Variants in GALNT17 observed in about 807,000 individuals in gnomAD.
GALNT17 encodes polypeptide N-acetylgalactosaminyltransferase 17.
Under a neutral mutation model 63.7 loss-of-function variants are expected in GALNT17, and 29 were observed. The observed-to-expected ratio is 0.46, with a 90% CI of 0.34 to 0.62. The LOEUF is 0.62. Ranked by LOEUF, GALNT17 falls within the 20% of genes least tolerant of loss-of-function variation. The pLI is 0.01. For synonymous variants in GALNT17, 305 were observed against 318.3 expected, an observed-to-expected ratio of 0.96 and a Z score of 0.45; for missense variants, 603 against 799.6, an observed-to-expected ratio of 0.75 and a Z score of 2.97.
intron 1 of GALNT17, among the ~76,000 whole-genome samples, chr7:71,168,245 G>GA (rs1788481366): frequency 6.6e-6 from 1 of 152,102 alleles, no homozygotes; most frequent in Non-Finnish European, 1.5e-5. Flanking sequence ...CTTGTAATCA[G>GA]GTAATGCTGG....
At chr7:71,220,678 C>T (rs1436865721) in intron 1 of GALNT17, among the ~76,000 whole-genome samples, 1 of 151,992 alleles carries the variant, frequency 6.6e-6, no homozygotes, top group Non-Finnish European at 1.5e-5. Context: ...CTGGGGTGGC[C>T]CTTAATCCAA....
chr7:71,454,546 C>G (rs994829427), intron 5 of GALNT17, among the ~76,000 whole-genome samples: 3 of 152,096 alleles, frequency 2.0e-5, no homozygotes. Flanking sequence ...TTCTGACAGC[C>G]TGGGAAGTGT....
At chr7:71,137,978 C>G (rs968946052) in intron 1 of GALNT17, among the ~76,000 whole-genome samples, 19 of 152,192 alleles carry the variant, frequency 1.2e-4, no homozygotes, top group Admixed American at 1.2e-3. Context: ...TTGATTAACA[C>G]TTATTTTCTA....
At chr7:71,474,469 C>T (rs1355745164) in intron 5 of GALNT17, among the ~76,000 whole-genome samples, 2 of 152,132 alleles carry the variant, frequency 1.3e-5, no homozygotes, top group Non-Finnish European at 2.9e-5. Context: ...GTGTCACAGG[C>T]TTGTTGTGAG....
intron 5 of GALNT17, among the ~76,000 whole-genome samples, chr7:71,442,193 T>G (rs188824440): frequency 1.4e-3 from 219 of 152,026 alleles, no homozygotes; most frequent in African/African-American, 4.9e-3. Flanking sequence ...GCAGAAGTGT[T>G]TTTTTTGTTT....
intron 5 of GALNT17, among the ~76,000 whole-genome samples, chr7:71,427,306 C>G (rs559905490): frequency 6.6e-6 from 1 of 151,688 alleles, no homozygotes; most frequent in South Asian, 2.1e-4. Flanking sequence ...CCGTGTTAAC[C>G]AGGTTGGTCT....
chr7:71,532,517 A>T (rs566035063), intron 5 of GALNT17, among the ~76,000 whole-genome samples: 62 of 152,236 alleles, frequency 4.1e-4, no homozygotes, highest in Non-Finnish European at 7.1e-4. Flanking sequence ...TCTTAGGGAG[A>T]TGACACGGAT....
At chr7:71,449,174 G>C (rs898909892) in intron 5 of GALNT17, among the ~76,000 whole-genome samples, 1 of 124,406 alleles carries the variant, frequency 8.0e-6, no homozygotes, top group African/African-American at 3.1e-5. Flanking sequence ...GTGCAGTGGC[G>C]CGATCTTGGC....
At chr7:71,622,206 G>T (rs74968761) in intron 6 of GALNT17, among the ~76,000 whole-genome samples, 1 of 152,170 alleles carries the variant, frequency 6.6e-6, no homozygotes, top group African/African-American at 2.4e-5. Flanking sequence ...GCAACATGGC[G>T]GCTCTGCCAT....
rs1403787863 is a variant in GALNT17 at position 71,416,075 on chromosome 7, G to A, written c.764+12G>A. 1 of 1,603,572 alleles carries A rather than the reference G, an allele frequency of 6.2e-7. No homozygotes were observed. The highest frequency in any genetic ancestry group is 1.7e-5 in the Admixed American group (1 of 58,890). On this transcript the variant is annotated intron_variant, in intron 4 of 10. Coordinates refer to ENST00000333538, the MANE Select transcript of GALNT17 (RefSeq NM_022479.3). ...TTCACCGCTGGCTGGTAGGTCATGAGCTGAAACTCAGGGGTGCTCAAGACC... is the reference window on the plus strand; with the variant it reads ...TTCACCGCTGGCTGGTAGGTCATGAACTGAAACTCAGGGGTGCTCAAGACC...
chr7:71,692,225 C>T (rs1391897925), intron 9 of GALNT17, among the ~76,000 whole-genome samples: 4 of 152,112 alleles, frequency 2.6e-5, no homozygotes, highest in Non-Finnish European at 4.4e-5. Context: ...GTGCCTGGCC[C>T]TTCTTTTTTA....
rs191802503 is a variant in GALNT17, at chr7:71,488,986, C to G, written c.962+67881C>G. 4.2e-5 allele frequency among the ~76,000 whole-genome samples: 6 copies of G among 141,906 alleles called. No homozygotes were observed. The Admixed American group carries it at 4.4e-4, about 10-fold the overall frequency. 93.1% of individuals were successfully genotyped at this position (141,906 alleles called of 152,430 possible). On this transcript the variant is annotated intron_variant, in intron 5 of 10. Transcript: ENST00000333538. ...TTAGCTCACTGCAGTCTCTGCCTCCCAGATTCAAGCGATTCTCCTGCCTCA... is the reference window on the plus strand; with the variant it reads ...TTAGCTCACTGCAGTCTCTGCCTCCGAGATTCAAGCGATTCTCCTGCCTCA...
intron 2 of GALNT17, among the ~76,000 whole-genome samples, chr7:71,342,212 G>C (rs567495068): frequency 2.0e-5 from 3 of 152,084 alleles, no homozygotes; most frequent in Non-Finnish European, 4.4e-5. Flanking sequence ...GGCTTCTAAG[G>C]AGGCCTCAGG....
Position 71,253,259 on chromosome 7 carries a change from T to C in GALNT17, c.239-82291T>C, listed in dbSNP as rs144050791. ...CAGTTCCCCGTGGCTGGGGAGGCCT[T>C]ACAATCATGGCGGAAGGCAAAAGGC... On this transcript the variant is annotated intron_variant, in intron 1 of 10. Coordinates refer to ENST00000333538, the MANE Select transcript of GALNT17 (RefSeq NM_022479.3). Among the ~76,000 whole-genome samples the C allele has an allele frequency of 2.7e-3, 405 of 152,288 alleles. 1 individual carries two copies. Among genetic ancestry groups the C allele is most frequent in the Non-Finnish European group, 4.1e-3 (281 of 68,028 alleles).
chr7:71,215,397 C>T (rs767121649), intron 1 of GALNT17, among the ~76,000 whole-genome samples: 13 of 152,016 alleles, frequency 8.6e-5, no homozygotes, highest in Non-Finnish European at 1.6e-4. Flanking sequence ...TGTTTTGAAA[C>T]GGTCTTGTAT....
intron 1 of GALNT17, among the ~76,000 whole-genome samples, chr7:71,240,840 A>G (rs1459481970): frequency 2.0e-5 from 3 of 151,328 alleles, no homozygotes; most frequent in Non-Finnish European, 4.4e-5. Context: ...AATTTTTTGT[A>G]TTTTTAGTAG....
At chr7:71,707,224 A>C (rs1052709467) in intron 9 of GALNT17, among the ~76,000 whole-genome samples, 1 of 152,172 alleles carries the variant, frequency 6.6e-6, no homozygotes, top group African/African-American at 2.4e-5. Context: ...GATGCCATTC[A>C]CCACAGTTAT....
chr7:71,347,058 C>A (rs1473863811), intron 2 of GALNT17, among the ~76,000 whole-genome samples: 2 of 152,064 alleles, frequency 1.3e-5, no homozygotes, highest in Admixed American at 6.5e-5. Context: ...CTTCACGCAG[C>A]AATGGGATGG....
intron 2 of GALNT17, among the ~76,000 whole-genome samples, chr7:71,382,591 C>T (rs1792867258): frequency 6.6e-6 from 1 of 152,008 alleles, no homozygotes; most frequent in Non-Finnish European, 1.5e-5. Flanking sequence ...ACTGCAGTAA[C>T]CGAAACGAGG....
Sources: gnomAD v4.1 joint callset for allele counts (sites outside exome capture counted in the v4.1 genomes callset) on GRCh38, gnomAD v4.1.1 for gene constraint, MANE v1.5 for transcripts, NCBI Gene and HGNC (gene_info 2026-07-23, HGNC 2026-07-21) for gene names.